WDR25: variants seen among roughly 807,000 people sequenced by gnomAD.
WDR25 encodes the protein WD repeat-containing protein 25.
In WDR25, 35 loss-of-function variants were observed where a neutral mutation model predicts 47.7. That is an observed-to-expected ratio of 0.73 (90% CI 0.56 to 0.97). The LOEUF is 0.97. Among genes scored for constraint, WDR25 ranks in the 50% least tolerant of loss-of-function variants. WDR25 has a pLI of 0.00. For synonymous variants in WDR25, 248 were observed against 278.9 expected (o/e 0.89, Z 1.10); for missense variants, 634 against 704.7 (o/e 0.90, Z 1.14).
intron 2 of WDR25, among the ~76,000 whole-genome samples, chr14:100,451,724 A>G (rs1328541077): frequency 6.6e-6 from 1 of 152,158 alleles, no homozygotes; most frequent in Non-Finnish European, 1.5e-5. Context: ...ACTGTTCTTG[A>G]GAAGGTAAGA....
chr14:100,452,889 A>T (rs1366894529), intron 2 of WDR25, among the ~76,000 whole-genome samples: 1 of 152,136 alleles, frequency 6.6e-6, no homozygotes, highest in African/African-American at 2.4e-5. Context: ...TATTAGATAC[A>T]TTCATAGTGT....
intron 2 of WDR25, among the ~76,000 whole-genome samples, chr14:100,445,848 C>A (rs1898814843): frequency 6.6e-6 from 1 of 152,222 alleles, no homozygotes; most frequent in African/African-American, 2.4e-5. Flanking sequence ...CCTTTCAGAG[C>A]CCATTTCCAC....
intron 3 of WDR25, among the ~76,000 whole-genome samples, chr14:100,471,177 T>C (rs1408097578): frequency 6.6e-6 from 1 of 152,122 alleles, no homozygotes; most frequent in Non-Finnish European, 1.5e-5. Flanking sequence ...TCCCTCTCCC[T>C]GGCTGGCTTG....
At chr14:100,388,714 A>G (rs757458636) in intron 2 of WDR25, among the ~76,000 whole-genome samples, 13 of 152,180 alleles carry the variant, frequency 8.5e-5, no homozygotes, top group Admixed American at 2.0e-4. Flanking sequence ...TACAGAAAAA[A>G]CCTTGGGTTG....
At chr14:100,437,165 G>T (rs1898524805) in intron 2 of WDR25, among the ~76,000 whole-genome samples, 1 of 152,140 alleles carries the variant, frequency 6.6e-6, no homozygotes, top group Admixed American at 6.5e-5. Flanking sequence ...AAAGGAGGAG[G>T]TGGAGCCCAG....
In WDR25 at chr14:100,500,358, CCTT is replaced by C. The variant is rs754334986; in HGVS notation, c.1101+16239_1101+16241del. Among the ~76,000 whole-genome samples the C allele has an allele frequency of 2.0e-4, 30 of 152,178 alleles. 1 individual carries two copies. The highest frequency in any genetic ancestry group is 3.5e-4 in the Non-Finnish European group (24 of 68,030). On this transcript the variant is annotated intron_variant, in intron 4 of 6. Transcript: ENST00000402312. This position sits in a 1 kb window ranked among gnomAD's most constrained non-coding sequence, Gnocchi z 4.7. ...GGCAGGCCAGCTCGTCTCTTCTGCT[CCTT>C]CTTCCAGGGACCCGAGGAGGGTGAA...
rs1430951232 is a variant in WDR25 at position 100,498,525 on chromosome 14, AG to A, written c.1101+14404del. Among the ~76,000 whole-genome samples the A allele has an allele frequency of 6.6e-6, 1 of 152,128 alleles. No homozygotes were observed. The highest frequency in any genetic ancestry group is 1.5e-5 in the Non-Finnish European group (1 of 68,010). ...ACACTGCGGAGCACCTGCTGTTTAT[AG>A]GGTGTCTTCCTAGTTTAGAGGATTC... On this transcript the variant is annotated intron_variant, in intron 4 of 6. Coordinates refer to ENST00000402312, the MANE Select transcript of WDR25 (RefSeq NM_001161476.3). This position sits in a 1 kb window ranked among gnomAD's most constrained non-coding sequence, Gnocchi z 4.2.
chr14:100,382,163 C>CA (rs1896918714), intron 2 of WDR25: 2 of 702,930 alleles, frequency 2.8e-6, no homozygotes, highest in African/African-American at 1.7e-5. Flanking sequence ...TAGGTAGACC[C>CA]AGCCCCTGGT....
At chr14:100,402,885 G>C (rs917461571) in intron 2 of WDR25, among the ~76,000 whole-genome samples, 3 of 152,124 alleles carry the variant, frequency 2.0e-5, no homozygotes, top group African/African-American at 7.2e-5. Context: ...ATAGGGATGA[G>C]ACCCGTGCAG....
intron 2 of WDR25, among the ~76,000 whole-genome samples, chr14:100,426,631 C>T (rs1266328141): frequency 1.3e-5 from 2 of 152,194 alleles, no homozygotes; most frequent in East Asian, 3.9e-4. Flanking sequence ...TTCCCTGAGC[C>T]CCACAGCTAT....
intron 4 of WDR25, among the ~76,000 whole-genome samples, chr14:100,484,852 C>T (rs1282234859): frequency 1.3e-5 from 2 of 152,232 alleles, no homozygotes; most frequent in Non-Finnish European, 1.5e-5. Flanking sequence ...AGTTTCCCAT[C>T]TGATCTCTCA....
chr14:100,520,095 G>GTA (rs35178382), intron 4 of WDR25, among the ~76,000 whole-genome samples: 15 of 144,772 alleles, frequency 1.0e-4, no homozygotes, highest in South Asian at 4.3e-4. Flanking sequence ...TATATATAGT[G>GTA]TATATATATA....
At position 100,381,191 on chromosome 14, in the gene WDR25, A is replaced by T; in HGVS notation, c.267A>T (p.Gly89=). 1 of 1,614,082 alleles carries T rather than the reference A, an allele frequency of 6.2e-7. No homozygotes were observed. Among genetic ancestry groups the T allele is most frequent in the East Asian group, 2.2e-5 (1 of 44,852 alleles). The part of the protein sequence containing the change: ...PLAQLGRSDW[G]SCPSQRLQWP... ...CTCAGCTTGGGAGAAGCGATTGGGG[A>T]TCTTGCCCCAGCCAGAGGCTACAGT... The change falls in exon 2 of 7, where the codon GGA becomes GGT. Residue 89 remains glycine, a synonymous_variant. Transcript: ENST00000402312.
chr14:100,446,456 C>T (rs559924475), intron 2 of WDR25, among the ~76,000 whole-genome samples: 13 of 147,322 alleles, frequency 8.8e-5, no homozygotes, highest in African/African-American at 2.8e-4. Context: ...GAGGCTGTGG[C>T]AGGAGAATCA....
At chr14:100,450,170 G>C (rs968346314) in intron 2 of WDR25, among the ~76,000 whole-genome samples, 27 of 152,194 alleles carry the variant, frequency 1.8e-4, no homozygotes, top group Admixed American at 1.6e-3. Flanking sequence ...CCAAACTTTT[G>C]CAAGTGTCTG....
In WDR25 at chr14:100,468,676, A is replaced by G. The variant is rs1214933912; in HGVS notation, c.970+508A>G. The stretch of plus-strand genomic sequence containing the variant: ...GGTAAATCCTGAGAGGGCTCTTGAC[A>G]AGCAGGGCGAGAAGGAGAGAGAAGT... On this transcript the variant is annotated intron_variant, in intron 3 of 6. Coordinates refer to ENST00000402312, the MANE Select transcript of WDR25 (RefSeq NM_001161476.3). The surrounding 1 kb of genome is among the most constrained non-coding windows in gnomAD (Gnocchi z 4.5). Among the ~76,000 whole-genome samples the G allele has an allele frequency of 6.6e-6, 1 of 152,094 alleles. No homozygotes were observed. The highest frequency in any genetic ancestry group is 1.5e-5 in the Non-Finnish European group (1 of 68,018).
intron 2 of WDR25, among the ~76,000 whole-genome samples, chr14:100,460,485 A>T (rs1295801373): frequency 1.3e-5 from 2 of 152,172 alleles, no homozygotes; most frequent in African/African-American, 4.8e-5. Context: ...ACCAAGGAGG[A>T]TTTGTCCCAG....
At chr14:100,493,510 A>T (rs539259134) in intron 4 of WDR25, among the ~76,000 whole-genome samples, 1 of 152,100 alleles carries the variant, frequency 6.6e-6, no homozygotes, top group Non-Finnish European at 1.5e-5. Flanking sequence ...TCACAGAAAA[A>T]ATTTAGCAGA....
intron 2 of WDR25, among the ~76,000 whole-genome samples, chr14:100,465,655 T>C (rs1566923406): frequency 1.3e-5 from 2 of 152,252 alleles, no homozygotes; most frequent in Non-Finnish European, 1.5e-5. Flanking sequence ...TTATTAATAA[T>C]GCTGCTATGA....
Sources: allele counts gnomAD v4.1 joint callset (sites outside exome capture counted in the v4.1 genomes callset), GRCh38; gene constraint gnomAD v4.1.1; non-coding constraint Gnocchi (gnomAD v3.1); transcripts MANE v1.5; gene names NCBI Gene and HGNC (gene_info 2026-07-23, HGNC 2026-07-21).